GALNT17: variants seen among roughly 807,000 people sequenced by gnomAD.
The protein encoded by GALNT17 is UDP-GalNAc:polypeptide N-acetylgalactosaminyltransferase-like 3.
GALNT17 carries 29 observed loss-of-function variants against 63.7 expected under a neutral mutation model. The ratio of observed to expected loss-of-function variants is 0.46; its 90% confidence interval spans 0.34 to 0.62. The LOEUF is 0.62. Among genes scored for constraint, GALNT17 ranks in the 20% least tolerant of loss-of-function variants. The probability of loss-of-function intolerance (pLI) is 0.01; values close to 1 mark genes in which losing one functional copy is unlikely to be tolerated. For missense variants in GALNT17, 603 were observed against 799.6 expected (o/e 0.75, Z 2.97); for synonymous variants, 305 against 318.3 (o/e 0.96, Z 0.45).
chr7:71,271,548 G>A (rs1056010379), intron 1 of GALNT17, among the ~76,000 whole-genome samples: 1 of 152,154 alleles, frequency 6.6e-6, no homozygotes, highest in Admixed American at 6.5e-5. Context: ...AAAATCTCTG[G>A]CACTCATTCA....
intron 9 of GALNT17, among the ~76,000 whole-genome samples, chr7:71,693,307 CACAT>C (rs1791489067): frequency 1.6e-5 from 2 of 126,640 alleles, no homozygotes; most frequent in African/African-American, 2.9e-5. Flanking sequence ...CACACACACA[CACAT>C]ATATATATAT....
rs761781987 is a variant in GALNT17 at position 71,590,835 on chromosome 7, C to A, written c.1080+19433C>A. 2.3e-3 allele frequency among the ~76,000 whole-genome samples: 343 copies of A among 152,224 alleles called. 4 individuals carry two copies. Among genetic ancestry groups the A allele is most frequent in the Non-Finnish European group, 2.2e-3 (148 of 68,024 alleles). On this transcript the variant is annotated intron_variant, in intron 6 of 10. Coordinates refer to ENST00000333538, the MANE Select transcript of GALNT17 (RefSeq NM_022479.3). Reference sequence around the variant, plus strand: ...CTCCGCCTCCTGAGTTCAAGCGATTCTCCAGCCTCAGCCTCCCAAGTAGCT... The same window carrying A: ...CTCCGCCTCCTGAGTTCAAGCGATTATCCAGCCTCAGCCTCCCAAGTAGCT...
In GALNT17 at chr7:71,532,762, T is replaced by C. The variant is rs1279418221; in HGVS notation, c.963-38523T>C. 2.0e-5 allele frequency among the ~76,000 whole-genome samples: 3 copies of C among 152,280 alleles called. No homozygotes were observed. The East Asian group carries it at 5.8e-4, about 30-fold the overall frequency. Reference sequence around the variant, plus strand: ...CCATCTGCAGACCTCCAAATCCTTCTACTCTCATGTGGGGAGGAACAAAGG... The same window carrying C: ...CCATCTGCAGACCTCCAAATCCTTCCACTCTCATGTGGGGAGGAACAAAGG... On this transcript the variant is annotated intron_variant, in intron 5 of 10. Coordinates refer to ENST00000333538, the MANE Select transcript of GALNT17 (RefSeq NM_022479.3).
rs186809160 is a variant in GALNT17 at position 71,236,875 on chromosome 7, C to T, written c.239-98675C>T. 2.8e-3 allele frequency among the ~76,000 whole-genome samples: 430 copies of T among 152,272 alleles called. 17 individuals are homozygous for T. Among genetic ancestry groups the T allele is most frequent in the Non-Finnish European group, 3.6e-3 (243 of 68,010 alleles). On this transcript the variant is annotated intron_variant, in intron 1 of 10. Transcript: ENST00000333538. ...GAGAGAGAAGAAAAGAAAGCCAGGACGGGGAAGGGAATGATCCATCCTCTG... is the reference window on the plus strand; with the variant it reads ...GAGAGAGAAGAAAAGAAAGCCAGGATGGGGAAGGGAATGATCCATCCTCTG...
At chr7:71,397,138 TA>T (rs1793152549) in intron 3 of GALNT17, among the ~76,000 whole-genome samples, 2 of 152,320 alleles carry the variant, frequency 1.3e-5, no homozygotes, top group Admixed American at 1.3e-4. Flanking sequence ...TATTTATTTT[TA>T]AAAATGTATT....
chr7:71,334,339 T>C (rs1329733977), intron 1 of GALNT17, among the ~76,000 whole-genome samples: 1 of 152,182 alleles, frequency 6.6e-6, no homozygotes, highest in Non-Finnish European at 1.5e-5. Flanking sequence ...TGGATCCTTC[T>C]GGGCGCTTCC....
intron 6 of GALNT17, among the ~76,000 whole-genome samples, chr7:71,576,648 G>A (rs1042216089): frequency 1.3e-5 from 2 of 151,868 alleles, no homozygotes; most frequent in African/African-American, 4.8e-5. Flanking sequence ...TCAGCTCACT[G>A]CAACCTCCGC....
At chr7:71,269,135 C>T (rs950836597) in intron 1 of GALNT17, among the ~76,000 whole-genome samples, 1 of 152,140 alleles carries the variant, frequency 6.6e-6, no homozygotes, top group Non-Finnish European at 1.5e-5. Context: ...TTGACCACTG[C>T]CAAGAGGTAA....
intron 2 of GALNT17, among the ~76,000 whole-genome samples, chr7:71,347,018 C>T (rs1792108362): frequency 6.6e-6 from 1 of 151,724 alleles, no homozygotes; most frequent in African/African-American, 2.4e-5. Flanking sequence ...GAGTTTATAC[C>T]GAGGAGGAAC....
At chr7:71,588,870 A>G (rs999248928) in intron 6 of GALNT17, among the ~76,000 whole-genome samples, 1 of 146,768 alleles carries the variant, frequency 6.8e-6, no homozygotes, top group African/African-American at 2.5e-5. Flanking sequence ...CAGACATAAG[A>G]AAAAAAAAAA....
intron 5 of GALNT17, among the ~76,000 whole-genome samples, chr7:71,450,354 C>T (rs555245693): frequency 1.4e-3 from 219 of 152,026 alleles, no homozygotes; most frequent in African/African-American, 4.9e-3. Flanking sequence ...AGGCTGGTCT[C>T]GTCGCGACCT....
chr7:71,252,308 C>A (rs2116492312), intron 1 of GALNT17, among the ~76,000 whole-genome samples: 1 of 151,516 alleles, frequency 6.6e-6, no homozygotes, highest in African/African-American at 2.4e-5. Flanking sequence ...AGGCGGATCA[C>A]AAGGACAGGA....
chr7:71,665,406 C>T lies in GALNT17; in HGVS notation c.1081-5C>T. The T allele has an allele frequency of 2.5e-6, 4 of 1,601,928 alleles. No homozygotes were observed. The highest frequency in any genetic ancestry group is 3.4e-6 in the Non-Finnish European group (4 of 1,176,474). On this transcript the variant is annotated splice_region_variant and splice_polypyrimidine_tract_variant and intron_variant, in intron 6 of 10. Coordinates refer to ENST00000333538, the MANE Select transcript of GALNT17 (RefSeq NM_022479.3). The stretch of plus-strand genomic sequence containing the variant: ...TTCAGGCTGATGAAATCTTTGTACC[C>T]CTAGGTATGGCTCTGTGGGGGCAGC...
In GALNT17 at chr7:71,605,210, C is replaced by T. The variant is rs973274230; in HGVS notation, c.1080+33808C>T. Among the ~76,000 whole-genome samples, 11 of 152,130 alleles carry T rather than the reference C, an allele frequency of 7.2e-5. No individual in the cohort carries two copies. In the East Asian group the frequency reaches 7.7e-4, roughly 11 times the overall value. On this transcript the variant is annotated intron_variant, in intron 6 of 10. Transcript: ENST00000333538. Reference sequence around the variant, plus strand: ...AAAATTACACCGGATGCCAGCCTTCCGTTTATTTATTCTTTTGCTCATGTA... The same window carrying T: ...AAAATTACACCGGATGCCAGCCTTCTGTTTATTTATTCTTTTGCTCATGTA...
intron 1 of GALNT17, among the ~76,000 whole-genome samples, chr7:71,212,936 G>A (rs2116396655): frequency 6.6e-6 from 1 of 152,280 alleles, no homozygotes; most frequent in East Asian, 1.9e-4. Context: ...TCTCAGATGA[G>A]ACTTTGGACT....
intron 5 of GALNT17, among the ~76,000 whole-genome samples, chr7:71,486,085 T>C (rs762541009): frequency 5.9e-5 from 9 of 152,098 alleles, no homozygotes; most frequent in Non-Finnish European, 8.8e-5. Flanking sequence ...CCCAGCACTT[T>C]GGGAGACTGG....
chr7:71,320,410 A>G (rs1195568155), intron 1 of GALNT17, among the ~76,000 whole-genome samples: 1 of 29,388 alleles, frequency 3.4e-5, no homozygotes, highest in Non-Finnish European at 8.1e-5. Context: ...CTAATTTTGA[A>G]AAAAAAAAAA....
At chr7:71,384,680 A>G (rs114437374) in intron 2 of GALNT17, among the ~76,000 whole-genome samples, 177 of 152,326 alleles carry the variant, frequency 1.2e-3, no homozygotes, top group African/African-American at 4.1e-3. Context: ...AGGAATTTGC[A>G]GAGCCTGGTG....
intron 1 of GALNT17, among the ~76,000 whole-genome samples, chr7:71,217,821 G>T (rs543450327): frequency 6.6e-6 from 1 of 151,946 alleles, no homozygotes; most frequent in African/African-American, 2.4e-5. Context: ...CCAGCTACTC[G>T]GGAGGCTGAG....
Sources: gnomAD v4.1 joint callset for allele counts (sites outside exome capture counted in the v4.1 genomes callset) on GRCh38, gnomAD v4.1.1 for gene constraint, MANE v1.5 for transcripts, NCBI Gene and HGNC (gene_info 2026-07-23, HGNC 2026-07-21) for gene names.